Variants in ARL15 observed in about 807,000 individuals in gnomAD.
ARL15 encodes the protein ARF like GTPase 15.
ARL15 carries 19 observed loss-of-function variants against 25.2 expected under a neutral mutation model. That is an observed-to-expected ratio of 0.75 (90% CI 0.53 to 1.10). The LOEUF (loss-of-function observed/expected upper bound fraction) is 1.10. Ranked by LOEUF, ARL15 falls within the 50% of genes least tolerant of loss-of-function variation. ARL15 has a pLI of 0.00. For synonymous variants in ARL15, 94 were observed against 86.8 expected (o/e 1.08, Z -0.46); for missense variants, 220 against 246.0 (o/e 0.89, Z 0.71).
At chr5:53,969,721 T>C (rs1170239377) in intron 4 of ARL15, among the ~76,000 whole-genome samples, 1 of 152,150 alleles carries the variant, frequency 6.6e-6, no homozygotes, top group East Asian at 1.9e-4. Context: ...TCTCTGAATT[T>C]TGTGAGTTGA....
At chr5:54,090,345 T>G (rs1421206944) in intron 4 of ARL15, among the ~76,000 whole-genome samples, 2 of 152,058 alleles carry the variant, frequency 1.3e-5, no homozygotes, top group Non-Finnish European at 2.9e-5. Context: ...TGATTCCCAA[T>G]TTATATAAAG....
chr5:54,131,379 G>A (rs1753429723), intron 3 of ARL15, among the ~76,000 whole-genome samples: 1 of 152,046 alleles, frequency 6.6e-6, no homozygotes, highest in Admixed American at 6.6e-5. Flanking sequence ...GTTGCCTCTG[G>A]TTTGAATTTC....
At chr5:53,929,072 G>A (rs746295693) in intron 4 of ARL15, among the ~76,000 whole-genome samples, 3 of 151,142 alleles carry the variant, frequency 2.0e-5, no homozygotes, top group African/African-American at 4.9e-5. Flanking sequence ...AATCCTTAAA[G>A]TTTTTATGAA....
intron 1 of ARL15, among the ~76,000 whole-genome samples, chr5:54,187,858 T>C (rs529098148): frequency 6.6e-6 from 1 of 152,304 alleles, no homozygotes; most frequent in South Asian, 2.1e-4. Context: ...AGGACATACT[T>C]GAAGCCATGT....
At chr5:54,220,741 T>C (rs1054820251) in intron 1 of ARL15, among the ~76,000 whole-genome samples, 5 of 150,926 alleles carry the variant, frequency 3.3e-5, no homozygotes, top group African/African-American at 9.7e-5. Flanking sequence ...ATCAGCAGTG[T>C]CCCCTAGCAA....
chr5:54,133,920 G>A (rs1160463051), intron 3 of ARL15, among the ~76,000 whole-genome samples: 2 of 152,104 alleles, frequency 1.3e-5, no homozygotes, highest in Non-Finnish European at 2.9e-5. Context: ...AAACTAGAGA[G>A]GGCATAAAAA....
chr5:54,266,916 A>C (rs1405455214), intron 1 of ARL15, among the ~76,000 whole-genome samples: 1 of 152,222 alleles, frequency 6.6e-6, no homozygotes, highest in African/African-American at 2.4e-5. Flanking sequence ...TGAGAAGCAA[A>C]AAATAATTGG....
chr5:54,106,963 G>A (rs1415382341), intron 4 of ARL15, among the ~76,000 whole-genome samples: 2 of 152,136 alleles, frequency 1.3e-5, no homozygotes, highest in Non-Finnish European at 2.9e-5. Flanking sequence ...ATCATCTTGA[G>A]GGGGTTGTAT....
At chr5:53,893,153 C>T (rs1310326420) in intron 4 of ARL15, among the ~76,000 whole-genome samples, 2 of 152,036 alleles carry the variant, frequency 1.3e-5, no homozygotes, top group South Asian at 2.1e-4. Flanking sequence ...TGGTGGGGCC[C>T]GCTGACATAG....
chr5:54,016,549 A>G (rs969403689), intron 4 of ARL15, among the ~76,000 whole-genome samples: 7 of 152,192 alleles, frequency 4.6e-5, no homozygotes, highest in African/African-American at 1.7e-4. Context: ...CAAGTTATGT[A>G]GCCTTTCTGC....
At chr5:53,918,878 T>C (rs1745748344) in intron 4 of ARL15, among the ~76,000 whole-genome samples, 1 of 151,956 alleles carries the variant, frequency 6.6e-6, no homozygotes, top group Admixed American at 6.6e-5. Context: ...ACTTGAAAAG[T>C]AACAACACAA....
chr5:53,895,666 C>T (rs1315432020), intron 4 of ARL15, among the ~76,000 whole-genome samples: 2 of 152,168 alleles, frequency 1.3e-5, no homozygotes, highest in East Asian at 3.8e-4. Flanking sequence ...TTGTGTTACA[C>T]TTAAAAATTT....
chr5:53,945,876 CG>C (rs1746710145), intron 4 of ARL15, among the ~76,000 whole-genome samples: 2 of 152,036 alleles, frequency 1.3e-5, no homozygotes, highest in African/African-American at 4.8e-5. Context: ...ATTTTGTAGA[CG>C]AAGTAACTAA....
chr5:54,057,052 T>A (rs1298740647), intron 4 of ARL15, among the ~76,000 whole-genome samples: 1 of 145,570 alleles, frequency 6.9e-6, no homozygotes, highest in Non-Finnish European at 1.5e-5. Context: ...AAGAAAAATG[T>A]ATAGTCTAAT....
chr5:54,011,719 A>C (rs913025401), intron 4 of ARL15, among the ~76,000 whole-genome samples: 2 of 152,192 alleles, frequency 1.3e-5, no homozygotes, highest in Non-Finnish European at 2.9e-5. Context: ...CGGTCTTAAA[A>C]GAGCATAAGG....
chr5:54,013,935 G>A (rs967396048), intron 4 of ARL15, among the ~76,000 whole-genome samples: 1 of 152,032 alleles, frequency 6.6e-6, no homozygotes, highest in African/African-American at 2.4e-5. Flanking sequence ...CCACTAGGCT[G>A]CCTTGCAATA....
intron 3 of ARL15, among the ~76,000 whole-genome samples, chr5:54,125,667 A>G (rs745674708): frequency 1.3e-5 from 2 of 152,170 alleles, no homozygotes; most frequent in African/African-American, 2.4e-5. Context: ...TCTGTTTTCA[A>G]TTATTTTGTA....
At chr5:54,304,326 T>G (rs557846157) in intron 1 of ARL15, among the ~76,000 whole-genome samples, 1 of 152,364 alleles carries the variant, frequency 6.6e-6, no homozygotes, top group South Asian at 2.1e-4. Context: ...CTATTACACA[T>G]GCAAAGCACT....
intron 4 of ARL15, among the ~76,000 whole-genome samples, chr5:54,034,684 G>T: frequency 6.6e-6 from 1 of 151,856 alleles, no homozygotes; most frequent in East Asian, 1.9e-4. Context: ...AGAGAGACAG[G>T]GTCTCACTCT....
Sources: allele counts gnomAD v4.1 joint callset (sites outside exome capture counted in the v4.1 genomes callset), GRCh38; gene constraint gnomAD v4.1.1; transcripts MANE v1.5; gene names NCBI Gene and HGNC (gene_info 2026-07-23, HGNC 2026-07-21).